The following SSH2 variants were observed in gnomAD, a reference collection of about 807,000 sequenced individuals.
SSH2 encodes the protein protein phosphatase Slingshot homolog 2.
Under a neutral mutation model 135.2 loss-of-function variants are expected in SSH2, and 37 were observed. That is an observed-to-expected ratio of 0.27 (90% CI 0.21 to 0.36). The LOEUF is 0.36. Ranked by LOEUF, SSH2 falls within the 10% of genes least tolerant of loss-of-function variation. The pLI, the probability that SSH2 is intolerant of heterozygous loss-of-function variation, is 1.00. For missense variants in SSH2, 1,408 were observed against 1,765.3 expected (o/e 0.80, Z 3.63); for synonymous variants, 628 against 646.2 (o/e 0.97, Z 0.43).
At chr17:29,795,780 C>T (rs761513760) in intron 2 of SSH2, among the ~76,000 whole-genome samples, 12 of 152,064 alleles carry the variant, frequency 7.9e-5, no homozygotes, top group Non-Finnish European at 1.3e-4. Flanking sequence ...TCACTCTTGT[C>T]ACCCAGGCTG....
chr17:29,669,884 T>C (rs1030494411), intron 9 of SSH2, among the ~76,000 whole-genome samples: 1 of 149,248 alleles, frequency 6.7e-6, no homozygotes, highest in African/African-American at 2.5e-5. Context: ...ATAAAATCTT[T>C]TTTTTTTTTT....
At chr17:29,903,293 T>C (rs1879967331) in intron 1 of SSH2, among the ~76,000 whole-genome samples, 1 of 148,010 alleles carries the variant, frequency 6.8e-6, no homozygotes, top group South Asian at 2.1e-4. Flanking sequence ...AAAATATATA[T>C]ATATAAATTA....
intron 14 of SSH2, among the ~76,000 whole-genome samples, chr17:29,638,437 C>G (rs1236768362): frequency 2.7e-5 from 4 of 150,756 alleles, no homozygotes; most frequent in African/African-American, 9.8e-5. Context: ...AGGAACATCA[C>G]CAAACTGATA....
intron 6 of SSH2, among the ~76,000 whole-genome samples, chr17:29,683,887 G>A (rs143688614): frequency 6.6e-6 from 1 of 152,212 alleles, no homozygotes; most frequent in East Asian, 1.9e-4. Context: ...ATTTGAGGCC[G>A]TAGTGAGCTG....
At chr17:29,884,313 T>C (rs1034692607) in intron 1 of SSH2, among the ~76,000 whole-genome samples, 5 of 152,202 alleles carry the variant, frequency 3.3e-5, no homozygotes, top group African/African-American at 1.2e-4. Flanking sequence ...CTAAAACTTT[T>C]GGCACACTAT....
At chr17:29,665,087 G>A (rs1250489338) in intron 11 of SSH2, among the ~76,000 whole-genome samples, 3 of 152,136 alleles carry the variant, frequency 2.0e-5, no homozygotes, top group Admixed American at 2.0e-4. Flanking sequence ...TAGTCTCAGG[G>A]AAACAGTTGG....
chr17:29,698,257 A>AT (rs2038840544), intron 4 of SSH2, among the ~76,000 whole-genome samples: 1 of 152,174 alleles, frequency 6.6e-6, no homozygotes, highest in African/African-American at 2.4e-5. Flanking sequence ...ATGTTCTAAA[A>AT]TTAGATTGTG....
At chr17:29,749,077 T>C (rs564997414) in intron 3 of SSH2, among the ~76,000 whole-genome samples, 2 of 152,318 alleles carry the variant, frequency 1.3e-5, no homozygotes, top group African/African-American at 4.8e-5. Flanking sequence ...TATACCTAAC[T>C]GAAAAATCTT....
chr17:29,848,911 T>C lies in SSH2; in HGVS notation c.82A>G (p.Ser28Gly), dbSNP rs1472973669. Residue 28 changes from serine (S) to glycine (G), a missense_variant, in exon 2 of 16, where the codon AGT becomes GGT. Transcript: ENST00000540801. ...CAGCAAAGTAATGCTGCTGATTCACTGTCTTCCAAATGAGAGCTCTGTAAT... is the reference window on the plus strand; with the variant it reads ...CAGCAAAGTAATGCTGCTGATTCACCGTCTTCCAAATGAGAGCTCTGTAAT... ...PCASSSHLEDSESAALLCCEC... is the reference protein window; with the variant it reads ...PCASSSHLEDGESAALLCCEC... The C allele has an allele frequency of 2.0e-6, 3 of 1,534,740 alleles. No individual in the cohort carries two copies. The highest frequency in any genetic ancestry group is 2.0e-5 in the Admixed American group (1 of 50,986).
At chr17:29,692,398 T>C (rs1029548486) in intron 5 of SSH2, among the ~76,000 whole-genome samples, 2 of 152,210 alleles carry the variant, frequency 1.3e-5, no homozygotes, top group Non-Finnish European at 2.9e-5. Context: ...TATGTGTTTG[T>C]AACAACTCAA....
chr17:29,650,526 TCTC>T (rs1333458645), intron 13 of SSH2, 125 bp downstream of exon 13: 3 of 856,310 alleles, frequency 3.5e-6, no homozygotes, highest in African/African-American at 3.5e-5. Flanking sequence ...AAGATTTCAG[TCTC>T]CTCCTTTCCT....
intron 4 of SSH2, among the ~76,000 whole-genome samples, chr17:29,697,388 A>G (rs949051191): frequency 2.6e-5 from 4 of 152,188 alleles, no homozygotes; most frequent in Non-Finnish European, 5.9e-5. Flanking sequence ...TATGAGATGA[A>G]ATACTGTTAT....
chr17:29,817,143 T>C (rs1035987941), intron 2 of SSH2, among the ~76,000 whole-genome samples: 3 of 152,318 alleles, frequency 2.0e-5, no homozygotes, highest in East Asian at 3.9e-4. Context: ...CATCATGCAT[T>C]GTCAGCTTAC....
chr17:29,654,635 T>A (rs1204650276), intron 12 of SSH2, among the ~76,000 whole-genome samples: 2 of 152,176 alleles, frequency 1.3e-5, no homozygotes, highest in Admixed American at 6.6e-5. Context: ...CTAAAGTGAA[T>A]GAACTTCAAT....
chr17:29,757,119 C>G (rs1301717425), intron 3 of SSH2, among the ~76,000 whole-genome samples: 1 of 152,178 alleles, frequency 6.6e-6, no homozygotes, highest in Non-Finnish European at 1.5e-5. Context: ...TTGAGTCAGT[C>G]TTCACTTAGG....
chr17:29,626,459 C>T lies in SSH2; in HGVS notation c.*4382G>A, dbSNP rs1225109938. The T allele has an allele frequency of 6.5e-6, 1 of 152,782 alleles. No individual in the cohort carries two copies. The highest frequency in any genetic ancestry group is 1.5e-5 in the Non-Finnish European group (1 of 68,046). The allele number at this position is 152,782 out of a possible 1,614,324, so 9.5% of individuals were successfully genotyped here. On this transcript the variant is annotated 3_prime_UTR_variant, in exon 16 of 16. Coordinates refer to ENST00000540801, the MANE Select transcript of SSH2 (RefSeq NM_001282129.2). The stretch of plus-strand genomic sequence containing the variant: ...TCTGCATGTGTACACAGGACGCTGC[C>T]ACCAGCATTGCTTTGAGGACACAGA...
intron 1 of SSH2, among the ~76,000 whole-genome samples, chr17:29,908,763 GAAAAAAAAAAA>G (rs60242323): frequency 2.4e-4 from 12 of 50,882 alleles, no homozygotes; most frequent in African/African-American, 6.3e-4. Context: ...GACTCCATCT[GAAAAAAAAAAA>G]AAAAAAAAAA....
chr17:29,770,796 A>C (rs1483276820), intron 3 of SSH2, among the ~76,000 whole-genome samples: 1 of 152,004 alleles, frequency 6.6e-6, no homozygotes, highest in Non-Finnish European at 1.5e-5. Context: ...CCTATGTTTA[A>C]ATTGTTCCCA....
chr17:29,710,177 T>C (rs575342752), intron 3 of SSH2, among the ~76,000 whole-genome samples: 15 of 152,208 alleles, frequency 9.9e-5, no homozygotes, highest in Non-Finnish European at 2.1e-4. Context: ...TGAACGTCAG[T>C]TGGATAGAAA....
Sources: gnomAD v4.1 joint callset for allele counts (sites outside exome capture counted in the v4.1 genomes callset) on GRCh38, gnomAD v4.1.1 for gene constraint, MANE v1.5 for transcripts, NCBI Gene and HGNC (gene_info 2026-07-23, HGNC 2026-07-21) for gene names.